The following ADRA1B variants were observed in gnomAD, a reference collection of about 807,000 sequenced individuals.
ADRA1B encodes alpha-1B adrenergic receptor.
A neutral mutation model predicts 17.9 loss-of-function variants in ADRA1B; 17 were observed. That is an observed-to-expected ratio of 0.95 (90% CI 0.65 to 1.42). The LOEUF (loss-of-function observed/expected upper bound fraction) is 1.42, where lower values mean the gene tolerates loss of function less well. ADRA1B is among the 40% of genes most tolerant of loss of function. The pLI is 0.00. For synonymous variants in ADRA1B, 366 were observed against 327.6 expected (o/e 1.12, Z -1.27); for missense variants, 681 against 722.1 (o/e 0.94, Z 0.65).
chr5:159,871,177 T>G (rs1753734897), intron 1 of ADRA1B: 1 of 152,168 alleles, frequency 6.6e-6, no homozygotes, highest in Non-Finnish European at 1.5e-5. Flanking sequence ...TTCATGTTAT[T>G]TTTTGCCAAC....
chr5:159,922,861 C>T (rs187258553), intron 1 of ADRA1B, among the ~76,000 whole-genome samples: 37 of 152,372 alleles, frequency 2.4e-4, no homozygotes, highest in African/African-American at 8.2e-4. Context: ...TAGTAGGGAA[C>T]ACAGAGATGT....
At chr5:159,971,108 C>A (rs540418796) in intron 1 of ADRA1B, among the ~76,000 whole-genome samples, 1 of 152,212 alleles carries the variant, frequency 6.6e-6, no homozygotes, top group South Asian at 2.1e-4. Context: ...AGCCTCTTTG[C>A]GGTTTTTATT....
intron 1 of ADRA1B, among the ~76,000 whole-genome samples, chr5:159,905,968 T>C (rs555578791): frequency 6.6e-6 from 1 of 152,112 alleles, no homozygotes. Flanking sequence ...GCAGTTCTCC[T>C]GTCAGCCTCC....
At chr5:159,987,970 T>C in the ADRA1B span, among the ~76,000 whole-genome samples, 1 of 152,110 alleles carries the variant, frequency 6.6e-6, no homozygotes, top group Non-Finnish European at 1.5e-5. Flanking sequence ...TCCTAATCCC[T>C]GGAACCTGTG....
chr5:159,959,081 A>G (rs1755618203), intron 1 of ADRA1B, among the ~76,000 whole-genome samples: 1 of 152,260 alleles, frequency 6.6e-6, no homozygotes, highest in African/African-American at 2.4e-5. Flanking sequence ...GAAGGGCAAG[A>G]CACAGACCTC....
intron 1 of ADRA1B, among the ~76,000 whole-genome samples, chr5:159,947,046 G>A (rs1398317002): frequency 6.6e-6 from 1 of 152,018 alleles, no homozygotes; most frequent in Non-Finnish European, 1.5e-5. Context: ...GTACAAATAA[G>A]AGAACCATAG....
Position 159,946,584 on chromosome 5 carries a change from T to C in ADRA1B, c.950-25295T>C, listed in dbSNP as rs533595302. Among the ~76,000 whole-genome samples the C allele has an allele frequency of 4.6e-5, 7 of 152,380 alleles. No individual in the cohort carries two copies. The South Asian group carries it at 1.4e-3, about 32-fold the overall frequency. ...CATATTCTCAGTCTTGCTTATCTCA[T>C]GACCTCTTTTTCTAAACCAAAAGTT... On this transcript the variant is annotated intron_variant, in intron 1 of 1. Transcript: ENST00000306675.
chr5:159,950,430 C>A (rs1285137213), intron 1 of ADRA1B: 30 of 815,306 alleles, frequency 3.7e-5, no homozygotes, highest in Non-Finnish European at 5.6e-5. Flanking sequence ...GGCAGGGACT[C>A]CCCATCAGTG....
At chr5:159,943,722 G>A (rs1172064642) in intron 1 of ADRA1B, among the ~76,000 whole-genome samples, 1 of 152,168 alleles carries the variant, frequency 6.6e-6, no homozygotes, top group East Asian at 1.9e-4. Context: ...CTTTTCATTT[G>A]ATTTTTTCCC....
At chr5:159,934,410 AC>A (rs962732025) in intron 1 of ADRA1B, among the ~76,000 whole-genome samples, 11 of 151,372 alleles carry the variant, frequency 7.3e-5, no homozygotes, top group African/African-American at 2.4e-4. Flanking sequence ...CCGCCTTCCC[AC>A]CCCCTCGTCT....
intron 1 of ADRA1B, among the ~76,000 whole-genome samples, chr5:159,871,823 A>G (rs1057164716): frequency 6.6e-6 from 1 of 152,220 alleles, no homozygotes; most frequent in African/African-American, 2.4e-5. Flanking sequence ...TTGAATGCCA[A>G]TTTTGAATGA....
At chr5:159,866,148 T>C (rs1753650164) in intron 1 of ADRA1B, among the ~76,000 whole-genome samples, 1 of 151,824 alleles carries the variant, frequency 6.6e-6, no homozygotes. Flanking sequence ...CAAATATATA[T>C]ATTTTTCATT....
At chr5:159,948,130 C>T in intron 1 of ADRA1B, 1 of 985,418 alleles carries the variant, frequency 1.0e-6, no homozygotes, top group African/African-American at 1.7e-5. Context: ...CAATCCATAC[C>T]AGTTCCCTGG....
chr5:159,891,234 A>G (rs953356098), intron 1 of ADRA1B, among the ~76,000 whole-genome samples: 8 of 152,224 alleles, frequency 5.3e-5, no homozygotes, highest in Non-Finnish European at 8.8e-5. Flanking sequence ...GCACTGCTTT[A>G]TAGTACTTTT....
intron 1 of ADRA1B, among the ~76,000 whole-genome samples, chr5:159,919,287 T>C (rs1754412796): frequency 6.6e-6 from 1 of 152,200 alleles, no homozygotes; most frequent in African/African-American, 2.4e-5. Flanking sequence ...AAGCTTGCTT[T>C]TCTTTCCCAA....
intron 1 of ADRA1B, among the ~76,000 whole-genome samples, chr5:159,901,458 C>T (rs932149011): frequency 4.3e-4 from 49 of 113,570 alleles, no homozygotes; most frequent in Admixed American, 2.9e-3. Flanking sequence ...GGGAGGGGGA[C>T]GGGAAGGAGA....
intron 1 of ADRA1B, among the ~76,000 whole-genome samples, chr5:159,872,352 G>A (rs1463530448): frequency 6.6e-6 from 1 of 152,058 alleles, no homozygotes; most frequent in Non-Finnish European, 1.5e-5. Flanking sequence ...AAATATCATT[G>A]GCCAAACTCA....
At position 159,972,918 on chromosome 5, in the gene ADRA1B, T is replaced by G. The variant is rs973437640; in HGVS notation, c.*426T>G. The stretch of plus-strand genomic sequence containing the variant: ...CCGGGGGCGTTGTGTGTGTCGTGAC[T>G]TCGTACCTCTCAAGCCCCTCCTTGT... On this transcript the variant is annotated 3_prime_UTR_variant, in exon 2 of 2. Coordinates refer to ENST00000306675, the MANE Select transcript of ADRA1B (RefSeq NM_000679.4). Among the ~76,000 whole-genome samples, 2 of 152,196 alleles carry G rather than the reference T, an allele frequency of 1.3e-5. No homozygotes were observed. The highest frequency in any genetic ancestry group is 3.9e-4 in the East Asian group (2 of 5,186).
In ADRA1B at chr5:159,971,969, T is replaced by C; in HGVS notation, c.1040T>C (p.Ile347Thr). The C allele has an allele frequency of 6.9e-7, 1 of 1,459,358 alleles. No individual in the cohort carries two copies. Among genetic ancestry groups the C allele is most frequent in the Non-Finnish European group, 9.1e-7 (1 of 1,097,140 alleles). 90.4% of individuals were successfully genotyped at this position (1,459,358 alleles called of 1,614,324 possible). The change falls in exon 2 of 2, where the codon ATC becomes ACC. Residue 347 changes from isoleucine (I) to threonine (T), a missense_variant. This residue lies in a region of ADRA1B where 424 missense variants were observed against 480.2 expected (regional missense o/e 0.88). Coordinates refer to ENST00000306675, the MANE Select transcript of ADRA1B (RefSeq NM_000679.4). ...TTCAACAGCTGCCTCAACCCCATCA[T>C]CTACCCATGCTCCAGCAAGGAGTTC... ...GYFNSCLNPI[I>T]YPCSSKEFKR...
Sources: allele counts gnomAD v4.1 joint callset (sites outside exome capture counted in the v4.1 genomes callset), GRCh38; gene constraint gnomAD v4.1.1; regional missense constraint gnomAD v4.1.1; transcripts MANE v1.5; gene names NCBI Gene and HGNC (gene_info 2026-07-23, HGNC 2026-07-21).